Variants in MARCHF1 observed in about 807,000 individuals in gnomAD.
MARCHF1 encodes the protein E3 ubiquitin-protein ligase MARCHF1.
In MARCHF1, 40 loss-of-function variants were observed where a neutral mutation model predicts 54.2. The ratio of observed to expected loss-of-function variants is 0.74; its 90% CI spans 0.57 to 0.96. The LOEUF is 0.96. MARCHF1 is among the 40% of genes least tolerant of loss of function. The probability of loss-of-function intolerance (pLI) is 0.00; values close to 1 mark genes in which losing one functional copy is unlikely to be tolerated. For missense variants in MARCHF1, 586 were observed against 656.5 expected (o/e 0.89, Z 1.17); for synonymous variants, 236 against 236.3 (o/e 1.00, Z 0.01).
chr4:163,589,434 AT>A (rs1264798818), intron 7 of MARCHF1, among the ~76,000 whole-genome samples: 1 of 152,044 alleles, frequency 6.6e-6, no homozygotes, highest in African/African-American at 2.4e-5. Flanking sequence ...CACATGATTT[AT>A]TTTTATATAT....
At chr4:164,190,543 C>A (rs957762507) in intron 1 of MARCHF1, among the ~76,000 whole-genome samples, 2 of 151,916 alleles carry the variant, frequency 1.3e-5, no homozygotes, top group African/African-American at 4.8e-5. Flanking sequence ...AATTGGCCAT[C>A]TTAAAAAGTG....
At chr4:163,882,834 T>C (rs1193984382) in intron 3 of MARCHF1, among the ~76,000 whole-genome samples, 1 of 151,932 alleles carries the variant, frequency 6.6e-6, no homozygotes, top group East Asian at 1.9e-4. Flanking sequence ...TCAGGGCGTG[T>C]GGTGCACTGG....
At chr4:164,192,685 T>TC (rs960508194) in intron 1 of MARCHF1, among the ~76,000 whole-genome samples, 41 of 152,214 alleles carry the variant, frequency 2.7e-4, no homozygotes, top group African/African-American at 9.9e-4. Context: ...TTGGATTTCT[T>TC]CCCCCAAACA....
At chr4:164,107,005 A>G (rs1013112125) in intron 2 of MARCHF1, among the ~76,000 whole-genome samples, 2 of 152,204 alleles carry the variant, frequency 1.3e-5, no homozygotes, top group African/African-American at 4.8e-5. Context: ...ACAGGCTATT[A>G]TGTTGTTTAA....
chr4:163,554,492 G>T (rs772318408), intron 8 of MARCHF1, among the ~76,000 whole-genome samples: 3 of 152,134 alleles, frequency 2.0e-5, no homozygotes, highest in Non-Finnish European at 4.4e-5. Context: ...TAGTTAGGTC[G>T]AACAGGCTAG....
chr4:164,262,349 C>A (rs1446761652), intron 1 of MARCHF1, among the ~76,000 whole-genome samples: 4 of 152,110 alleles, frequency 2.6e-5, no homozygotes, highest in African/African-American at 9.7e-5. Flanking sequence ...ACAAGTGTGG[C>A]TCACTTTGCA....
At chr4:163,953,165 T>C (rs1411570307) in intron 3 of MARCHF1, among the ~76,000 whole-genome samples, 1 of 152,120 alleles carries the variant, frequency 6.6e-6, no homozygotes, top group East Asian at 1.9e-4. Context: ...CAAACAAATA[T>C]TGCATTATTT....
chr4:164,242,768 C>T (rs192987717), intron 1 of MARCHF1, among the ~76,000 whole-genome samples: 175 of 152,244 alleles, frequency 1.1e-3, no homozygotes, highest in African/African-American at 3.9e-3. Flanking sequence ...ATAACCAATA[C>T]AGACAAGTGC....
intron 4 of MARCHF1, among the ~76,000 whole-genome samples, chr4:163,730,126 A>G (rs1745783452): frequency 6.6e-6 from 1 of 151,972 alleles, no homozygotes; most frequent in African/African-American, 2.4e-5. Flanking sequence ...ACATTGTCTT[A>G]TCTTCAAGTT....
At chr4:163,811,253 CACTAAACATTGTTT>C (rs1176192890) in intron 4 of MARCHF1, among the ~76,000 whole-genome samples, 6 of 51,546 alleles carry the variant, frequency 1.2e-4, no homozygotes, top group Non-Finnish European at 3.8e-4. Flanking sequence ...TTTTTAGTGG[CACTAAACATTGTTT>C]AGTGGCACTA....
intron 4 of MARCHF1, among the ~76,000 whole-genome samples, chr4:163,827,550 A>G (rs1435955498): frequency 6.6e-6 from 1 of 152,134 alleles, no homozygotes; most frequent in Non-Finnish European, 1.5e-5. Flanking sequence ...AATGTTTCCT[A>G]TTAGACTGTA....
chr4:164,207,369 G>A (rs115214733), intron 1 of MARCHF1, among the ~76,000 whole-genome samples: 145 of 152,056 alleles, frequency 9.5e-4, no homozygotes, highest in African/African-American at 3.4e-3. Context: ...ATTTCTTGGA[G>A]GCCTACTGTG....
At chr4:163,974,904 G>GT (rs1752618624) in intron 3 of MARCHF1, among the ~76,000 whole-genome samples, 1 of 152,134 alleles carries the variant, frequency 6.6e-6, no homozygotes, top group Non-Finnish European at 1.5e-5. Flanking sequence ...TCACTAATAT[G>GT]AGTGGCCCTC....
intron 1 of MARCHF1, among the ~76,000 whole-genome samples, chr4:164,347,108 C>T (rs949090212): frequency 6.6e-5 from 10 of 151,890 alleles, no homozygotes; most frequent in Non-Finnish European, 8.8e-5. Context: ...GAACTGAATC[C>T]GGCCATAGTT....
Position 163,870,616 on chromosome 4 carries a change from C to T in MARCHF1, c.-38-16447G>A, listed in dbSNP as rs148106637. Among the ~76,000 whole-genome samples, 701 of 152,058 alleles carry T rather than the reference C, an allele frequency of 4.6e-3. 13 individuals are homozygous for T. The highest frequency in any genetic ancestry group is 0.018 in the East Asian group (93 of 5,176). ...AGGGAAACTGTCAGTCTAGAGATGC[C>T]GCTTTTTCTGTTGTAGCTTAGAGAA... On this transcript the variant is annotated intron_variant, in intron 3 of 9. Coordinates refer to ENST00000514618, the MANE Select transcript of MARCHF1 (RefSeq NM_001394959.1).
chr4:163,583,559 G>A (rs1219468717), intron 8 of MARCHF1: 1 of 151,322 alleles, frequency 6.6e-6, no homozygotes, highest in African/African-American at 2.4e-5. Context: ...ATTTTTAGAA[G>A]AAACTAGGAT....
At chr4:163,719,055 A>G (rs910580673) in intron 4 of MARCHF1, among the ~76,000 whole-genome samples, 6 of 152,102 alleles carry the variant, frequency 3.9e-5, no homozygotes, top group African/African-American at 1.4e-4. Flanking sequence ...TTATACTTTA[A>G]GTTCTAGGGT....
intron 2 of MARCHF1, among the ~76,000 whole-genome samples, chr4:164,015,888 T>C (rs1579462507): frequency 6.8e-6 from 1 of 146,878 alleles, no homozygotes; most frequent in African/African-American, 2.5e-5. Context: ...TGGAAAACAG[T>C]ATAAGTTTCC....
intron 3 of MARCHF1, among the ~76,000 whole-genome samples, chr4:163,972,347 T>C (rs1185613316): frequency 6.6e-6 from 1 of 152,194 alleles, no homozygotes; most frequent in East Asian, 1.9e-4. Flanking sequence ...TAAAGTATAA[T>C]AAAAAATTTT....
Sources: allele counts gnomAD v4.1 joint callset (sites outside exome capture counted in the v4.1 genomes callset), GRCh38; gene constraint gnomAD v4.1.1; transcripts MANE v1.5; gene names NCBI Gene and HGNC (gene_info 2026-07-23, HGNC 2026-07-21).